Variants in P2RX5 observed in about 807,000 individuals in gnomAD.
P2RX5 encodes purinergic receptor P2X 5.
Under a neutral mutation model 54.1 loss-of-function variants are expected in P2RX5, and 46 were observed. The observed-to-expected ratio is 0.85, with a 90% CI of 0.67 to 1.09. P2RX5 has a LOEUF of 1.09. Ranked by LOEUF, P2RX5 falls within the 50% of genes least tolerant of loss-of-function variation. P2RX5 has a pLI of 0.00. For synonymous variants in P2RX5, 226 were observed against 226.4 expected (o/e 1.00, Z 0.02); for missense variants, 566 against 549.8 (o/e 1.03, Z -0.29).
At chr17:3,712,455 G>T in the P2RX5 span, among the ~76,000 whole-genome samples, 2 of 152,202 alleles carry the variant, frequency 1.3e-5, no homozygotes, top group African/African-American at 4.8e-5. Flanking sequence ...GCAGGTGTGA[G>T]GCAGGCAGAG....
Position 3,679,694 on chromosome 17 carries a change from C to T in P2RX5, c.1155G>A (p.Gly385=). The change falls in exon 11 of 12, where the codon GGG becomes GGA. Residue 385 remains glycine, a synonymous_variant. Transcript: ENST00000225328. ...CCTGCAGCTCCTGCTGCTCCGGCAT[C>T]CCCAGCAGCCCTGGCCCAGATGTGA... ...EQLTSGPGLL[G]MPEQQELQEP... 1 of 1,612,110 alleles carries T rather than the reference C, an allele frequency of 6.2e-7. No individual in the cohort carries two copies. Among genetic ancestry groups the T allele is most frequent in the Non-Finnish European group, 8.5e-7 (1 of 1,179,806 alleles).
At chr17:3,681,498 T>G (rs567696219) in intron 10 of P2RX5, among the ~76,000 whole-genome samples, 1 of 152,302 alleles carries the variant, frequency 6.6e-6, no homozygotes, top group African/African-American at 2.4e-5. Flanking sequence ...TTTTCTTTCC[T>G]TTACTACTCC....
chr17:3,696,391 G>A (rs1411819295), upstream of P2RX5: 1 of 162,994 alleles, frequency 6.1e-6, no homozygotes, highest in Admixed American at 6.4e-5. Flanking sequence ...CCAGCTGAAA[G>A]CAGCGATCGC....
intron 1 of P2RX5, 49 bp from the exon 2 acceptor site, chr17:3,691,843 G>C: frequency 6.2e-7 from 1 of 1,607,728 alleles, no homozygotes; most frequent in Non-Finnish European, 8.5e-7. Context: ...TGCTGGCTTC[G>C]GGGAGCTTCC....
intron 9 of P2RX5, chr17:3,685,509 A>T (rs1366894124): frequency 1.3e-5 from 2 of 154,164 alleles, no homozygotes; most frequent in African/African-American, 4.8e-5. Context: ...GAGGGGAGGT[A>T]CTCCCAGCAC....
At chr17:3,711,536 C>T in the P2RX5 span, among the ~76,000 whole-genome samples, 1 of 150,940 alleles carries the variant, frequency 6.6e-6, no homozygotes, top group African/African-American at 2.4e-5. Flanking sequence ...GCACCCACCA[C>T]CACGCCCAGC....
At position 3,688,674 on chromosome 17, in the gene P2RX5, C is replaced by T. The variant is rs758418022; in HGVS notation, c.839G>A (p.Arg280His). 1.2e-5 allele frequency: 19 copies of T among 1,613,882 alleles called. No homozygotes were observed. Among genetic ancestry groups the T allele is most frequent in the East Asian group, 6.7e-5 (3 of 44,902 alleles). ...SECHPHYSFS[R>H]LDNKLSKSVS... ...AGACTTTGAAAGTTTATTGTCCAGA[C>T]GGCTAAAAGAATAGTGAGGGTGGCA... is the stretch of plus-strand genomic sequence containing the variant. Residue 280 changes from arginine (R) to histidine (H), a missense_variant, in exon 8 of 12, where the codon CGT (arginine) becomes CAT (histidine). Physicochemically the swap from Arg to His is conservative, Grantham distance 29. Transcript: ENST00000225328.
chr17:3,720,224 A>G, the P2RX5 span: 1 of 690,872 alleles, frequency 1.4e-6, no homozygotes, highest in Non-Finnish European at 2.7e-6. Flanking sequence ...AAACAGGAAG[A>G]GGGCAACAGA....
the P2RX5 span, among the ~76,000 whole-genome samples, chr17:3,715,150 C>T: frequency 6.6e-6 from 1 of 152,212 alleles, no homozygotes; most frequent in East Asian, 1.9e-4. Context: ...GAACTGACTC[C>T]ACCTTCCTCT....
At chr17:3,715,791 G>A in the P2RX5 span, among the ~76,000 whole-genome samples, 1 of 152,112 alleles carries the variant, frequency 6.6e-6, no homozygotes, top group Non-Finnish European at 1.5e-5. Context: ...GAGCCTAGGA[G>A]TACGAGGCTG....
At chr17:3,685,716 CCTCCCA>C (rs2050439435) in intron 9 of P2RX5, 1 of 36,954 alleles carries the variant, frequency 2.7e-5, no homozygotes, top group Non-Finnish European at 9.8e-5. Context: ...CCAACGTCCC[CCTCCCA>C]GCCTGAGAAC....
intron 2 of P2RX5, among the ~76,000 whole-genome samples, chr17:3,691,412 A>T (rs184277404): frequency 6.6e-6 from 1 of 152,364 alleles, no homozygotes; most frequent in East Asian, 1.9e-4. Flanking sequence ...ATTTGTTCTC[A>T]GCAGACTCAG....
At chr17:3,703,344 T>TA in the P2RX5 span, among the ~76,000 whole-genome samples, 57 of 151,824 alleles carry the variant, frequency 3.8e-4, no homozygotes, top group Non-Finnish European at 4.1e-4. Context: ...TGTTTCTACC[T>TA]AAAAAAACAA....
intron 11 of P2RX5, among the ~76,000 whole-genome samples, chr17:3,678,460 T>A (rs2050153436): frequency 6.6e-6 from 1 of 152,228 alleles, no homozygotes. Flanking sequence ...TTGCTCAGAA[T>A]GGGAGCTCAA....
At chr17:3,706,850 T>A in the P2RX5 span, among the ~76,000 whole-genome samples, 1 of 152,140 alleles carries the variant, frequency 6.6e-6, no homozygotes, top group Admixed American at 6.5e-5. Flanking sequence ...GACCTGGTGA[T>A]CCGCCCGCCT....
chr17:3,691,170 C>A, intron 2 of P2RX5, 143 bp from the exon 3 acceptor site: 1 of 682,290 alleles, frequency 1.5e-6, no homozygotes, highest in Non-Finnish European at 2.7e-6. Flanking sequence ...CTCTGCCCAT[C>A]TGCTCATGGA....
chr17:3,680,723 A>G (rs1183038734), intron 10 of P2RX5, among the ~76,000 whole-genome samples: 10 of 73,224 alleles, frequency 1.4e-4, no homozygotes, highest in Admixed American at 1.4e-4. Flanking sequence ...TCCACCCTGC[A>G]TCCTCCACCC....
At position 3,673,697 on chromosome 17, in the gene P2RX5, A is replaced by G; in HGVS notation, c.*171T>C. 1 of 1,553,682 alleles carries G rather than the reference A, an allele frequency of 6.4e-7. No homozygotes were observed. The highest frequency in any genetic ancestry group is 1.9e-5 in the Admixed American group (1 of 53,672). On this transcript the variant is annotated 3_prime_UTR_variant, in exon 12 of 12. Transcript: ENST00000225328. The stretch of plus-strand genomic sequence containing the variant: ...GGTCCGTCCTGATGACCCCAGCATC[A>G]GACGTGGAGGTCACTTTGCTCTGTG...
chr17:3,698,177 A>G (rs1241222877), upstream of P2RX5, among the ~76,000 whole-genome samples: 1 of 151,912 alleles, frequency 6.6e-6, no homozygotes, highest in Non-Finnish European at 1.5e-5. Context: ...CAGCACTCCA[A>G]TGCTCACTAA....
Sources: allele counts gnomAD v4.1 joint callset (sites outside exome capture counted in the v4.1 genomes callset), GRCh38; gene constraint gnomAD v4.1.1; transcripts MANE v1.5; gene names NCBI Gene and HGNC (gene_info 2026-07-23, HGNC 2026-07-21).